The following GNG2 variants were observed in gnomAD, a reference collection of about 807,000 sequenced individuals.
GNG2 encodes the protein G protein subunit gamma 2.
In GNG2, 5 loss-of-function variants were observed where a neutral mutation model predicts 5.5. The ratio of observed to expected loss-of-function variants is 0.91; its 90% confidence interval spans 0.48 to 1.92. The LOEUF is 1.92. Among genes scored for constraint, GNG2 ranks in the 30% most tolerant of loss-of-function variants. GNG2 has a pLI of 0.01. For synonymous variants in GNG2, 28 were observed against 32.0 expected, an observed-to-expected ratio of 0.88 and a Z score of 0.42; for missense variants, 55 against 88.4, an observed-to-expected ratio of 0.62 and a Z score of 1.52.
chr14:51,887,749 C>G (rs776889060), intron 2 of GNG2, among the ~76,000 whole-genome samples: 2 of 152,136 alleles, frequency 1.3e-5, no homozygotes, highest in Non-Finnish European at 2.9e-5. Context: ...CTTTCTCAAC[C>G]TTAAGTCTCC....
chr14:51,948,896 C>T (rs372862764), intron 2 of GNG2, among the ~76,000 whole-genome samples: 1 of 151,824 alleles, frequency 6.6e-6, no homozygotes, highest in Non-Finnish European at 1.5e-5. Context: ...CCGAGGTGGG[C>T]GGATCACGAG....
At chr14:51,899,770 T>G (rs1029440774) in intron 2 of GNG2, among the ~76,000 whole-genome samples, 2 of 152,254 alleles carry the variant, frequency 1.3e-5, no homozygotes, top group African/African-American at 4.8e-5. Flanking sequence ...TATTTGTATT[T>G]TTATGACTGG....
At position 51,966,872 on chromosome 14, in the gene GNG2, T is replaced by G; in HGVS notation, c.*185T>G. ...TGAGAATGCAAGCCGATCCACATCC[T>G]GACTTAAGAGATCTGATTCTGACGA... On this transcript the variant is annotated 3_prime_UTR_variant, in exon 4 of 4. Transcript: ENST00000556766. 2.1e-6 allele frequency: 1 copy of G among 468,550 alleles called. No homozygotes were observed. Among genetic ancestry groups the G allele is most frequent in the Non-Finnish European group, 3.9e-6 (1 of 259,436 alleles). 29.0% of individuals were successfully genotyped at this position (468,550 alleles called of 1,614,324 possible).
At chr14:51,939,174 CACCT>C (rs1451406770) in intron 2 of GNG2, among the ~76,000 whole-genome samples, 1 of 152,070 alleles carries the variant, frequency 6.6e-6, no homozygotes. Context: ...GAACAAAGCC[CACCT>C]AGCGTCTAAG....
chr14:51,849,520 C>T (rs983444669), intron 2 of GNG2, among the ~76,000 whole-genome samples: 3 of 152,118 alleles, frequency 2.0e-5, no homozygotes, highest in Admixed American at 6.6e-5. Context: ...GAGGAGATGG[C>T]GATCAGAGAA....
In GNG2 at chr14:51,965,307, G is replaced by A. The variant is rs186297824; in HGVS notation, c.88-1252G>A. On this transcript the variant is annotated intron_variant, in intron 3 of 3. Coordinates refer to ENST00000556766, the MANE Select transcript of GNG2 (RefSeq NM_053064.5). ...TTCAGTAGTTACTTGACAGGCGTTC[G>A]TAGTAGTACAGTGGTGTTGCTTTCA... Among the ~76,000 whole-genome samples the A allele has an allele frequency of 2.2e-3, 332 of 152,234 alleles. 1 individual carries two copies. Among genetic ancestry groups the A allele is most frequent in the African/African-American group, 7.8e-3 (323 of 41,532 alleles).
intron 2 of GNG2, among the ~76,000 whole-genome samples, chr14:51,892,175 C>T (rs951707385): frequency 1.1e-4 from 16 of 151,976 alleles, no homozygotes; most frequent in Admixed American, 8.5e-4. Context: ...CATTTTTAAC[C>T]ATCTTGGTGA....
intron 3 of GNG2, among the ~76,000 whole-genome samples, chr14:51,961,591 A>G (rs1450974845): frequency 6.6e-6 from 1 of 152,196 alleles, no homozygotes; most frequent in Admixed American, 6.5e-5. Flanking sequence ...ATTTCTGTGA[A>G]AGAGAAGAAT....
chr14:51,838,507 G>T (rs1181801045), intron 2 of GNG2, among the ~76,000 whole-genome samples: 1 of 152,022 alleles, frequency 6.6e-6, no homozygotes, highest in Non-Finnish European at 1.5e-5. Flanking sequence ...AGGAGATCAA[G>T]AAATGTGTCC....
intron 2 of GNG2, among the ~76,000 whole-genome samples, chr14:51,892,414 C>T (rs1043168066): frequency 6.6e-5 from 10 of 151,922 alleles, no homozygotes; most frequent in African/African-American, 1.9e-4. Context: ...TGGGTTCAAG[C>T]GGTTCTCCTG....
At position 51,912,133 on chromosome 14, in the gene GNG2, A is replaced by T. The variant is rs147344859; in HGVS notation, c.-30+34476A>T. Among the ~76,000 whole-genome samples, 500 of 126,592 alleles carry T rather than the reference A, an allele frequency of 3.9e-3. 27 individuals are homozygous for T. Among genetic ancestry groups the T allele is most frequent in the Non-Finnish European group, 5.5e-3 (338 of 61,544 alleles). The allele number at this position is 126,592 out of a possible 152,430, so 83.0% of individuals were successfully genotyped here. A position where few individuals can be genotyped will look rare whatever the true frequency, so the allele number is the denominator to read the frequency against. ...CTATTGAGTAAATGGCAGAACTGAG[A>T]CTCAAACTTGGGCAGTGTGGCCCAG... On this transcript the variant is annotated intron_variant, in intron 2 of 3. Transcript: ENST00000556766.
At chr14:51,950,054 C>T (rs1888882333) in intron 2 of GNG2, among the ~76,000 whole-genome samples, 1 of 152,154 alleles carries the variant, frequency 6.6e-6, no homozygotes, top group South Asian at 2.1e-4. Flanking sequence ...ACTCTACTCT[C>T]AAAATGTTTA....
At chr14:51,867,491 C>T (rs756075863) in intron 1 of GNG2, among the ~76,000 whole-genome samples, 2 of 152,236 alleles carry the variant, frequency 1.3e-5, no homozygotes, top group African/African-American at 2.4e-5. Flanking sequence ...TTCAACTTCA[C>T]TGTCTTCCTC....
At chr14:51,963,720 C>T (rs1437865504) in intron 3 of GNG2, among the ~76,000 whole-genome samples, 1 of 152,166 alleles carries the variant, frequency 6.6e-6, no homozygotes, top group African/African-American at 2.4e-5. Context: ...CTGCTGTGTG[C>T]TTTGCTCTAT....
intron 2 of GNG2, among the ~76,000 whole-genome samples, chr14:51,932,272 A>AGG (rs1887713366): frequency 1.5e-5 from 1 of 65,010 alleles, no homozygotes; most frequent in African/African-American, 7.8e-5. Context: ...AAAAAAAAAA[A>AGG]GAAAAGAAAA....
At chr14:51,910,690 C>T (rs1201654778) in intron 2 of GNG2, among the ~76,000 whole-genome samples, 2 of 152,234 alleles carry the variant, frequency 1.3e-5, no homozygotes, top group African/African-American at 4.8e-5. Flanking sequence ...CTTTTACCCT[C>T]ATGGACTTAA....
At position 51,861,881 on chromosome 14, in the gene GNG2, G is replaced by C. The variant is rs567384505; in HGVS notation, c.-71+1091G>C. Among the ~76,000 whole-genome samples, 309 of 152,126 alleles carry C rather than the reference G, an allele frequency of 2.0e-3. 2 individuals are homozygous for C. Among genetic ancestry groups the C allele is most frequent in the African/African-American group, 7.3e-3 (302 of 41,480 alleles). ...AGCAGTAAGTAGTCATTGATAAAAG[G>C]GTTTTTCTTCTAGAGTTTCTATAAT... On this transcript the variant is annotated intron_variant, in intron 1 of 3. Transcript: ENST00000556766.
intron 2 of GNG2, among the ~76,000 whole-genome samples, chr14:51,888,457 C>T (rs1884612669): frequency 6.6e-6 from 1 of 151,986 alleles, no homozygotes; most frequent in Non-Finnish European, 1.5e-5. Context: ...TAGCTAGGAC[C>T]ACAGGTGCAC....
intron 1 of GNG2, among the ~76,000 whole-genome samples, chr14:51,867,900 A>C (rs1883018724): frequency 6.7e-6 from 1 of 149,162 alleles, no homozygotes. Flanking sequence ...AATCTGCATA[A>C]TTTTTTTTTT....
Sources: gnomAD v4.1 joint callset for allele counts (sites outside exome capture counted in the v4.1 genomes callset) on GRCh38, gnomAD v4.1.1 for gene constraint, MANE v1.5 for transcripts, NCBI Gene and HGNC (gene_info 2026-07-23, HGNC 2026-07-21) for gene names.